Variants in SYNDIG1L observed in about 807,000 individuals in gnomAD.
SYNDIG1L encodes the protein synapse differentiation inducing 1 like.
A neutral mutation model predicts 20.1 loss-of-function variants in SYNDIG1L; 13 were observed. The ratio of observed to expected loss-of-function variants is 0.65; its 90% CI spans 0.42 to 1.03. The LOEUF (loss-of-function observed/expected upper bound fraction) is 1.03. Ranked by LOEUF, SYNDIG1L falls within the 50% of genes least tolerant of loss-of-function variation. The pLI is 0.00. For synonymous variants in SYNDIG1L, 128 were observed against 129.3 expected, an observed-to-expected ratio of 0.99 and a Z score of 0.07; for missense variants, 294 against 305.1, an observed-to-expected ratio of 0.96 and a Z score of 0.27.
At chr14:74,461,231 A>G in the SYNDIG1L span, among the ~76,000 whole-genome samples, 1 of 152,150 alleles carries the variant, frequency 6.6e-6, no homozygotes. Flanking sequence ...TACAGGCGTG[A>G]GCCACCGCGC....
chr14:74,423,912 T>C (rs2086244649), intron 1 of SYNDIG1L, among the ~76,000 whole-genome samples: 3 of 152,018 alleles, frequency 2.0e-5, no homozygotes, highest in South Asian at 4.1e-4. Flanking sequence ...GGGGTGGTGG[T>C]TCCTGGCCTC....
the SYNDIG1L span, among the ~76,000 whole-genome samples, chr14:74,443,997 T>C: frequency 3.7e-3 from 564 of 152,358 alleles, 4 homozygotes; most frequent in African/African-American, 0.013. Context: ...CTGTGTAATT[T>C]AGCAATTGTT....
rs183520207 is a variant in SYNDIG1L at position 74,412,059 on chromosome 14, G to C, written c.-57-2258C>G. 2.3e-3 allele frequency among the ~76,000 whole-genome samples: 346 copies of C among 152,352 alleles called. 2 individuals carry two copies. Among genetic ancestry groups the C allele is most frequent in the African/African-American group, 7.9e-3 (329 of 41,582 alleles). ...AGATAGGGCGCACAGGCTTGGGCAGGTCATGCAGACTTGGATCATAGTTCT... is the reference window on the plus strand; with the variant it reads ...AGATAGGGCGCACAGGCTTGGGCAGCTCATGCAGACTTGGATCATAGTTCT... On this transcript the variant is annotated intron_variant, in intron 1 of 3. Transcript: ENST00000331628.
chr14:74,445,881 A>G, the SYNDIG1L span, among the ~76,000 whole-genome samples: 1 of 152,202 alleles, frequency 6.6e-6, no homozygotes, highest in South Asian at 2.1e-4. Context: ...ACTATTTTAC[A>G]ATCATTGTAT....
chr14:74,450,228 A>G, the SYNDIG1L span, among the ~76,000 whole-genome samples: 1 of 152,148 alleles, frequency 6.6e-6, no homozygotes, highest in African/African-American at 2.4e-5. Flanking sequence ...GCAGTTAAAA[A>G]TCTTCCCACA....
At chr14:74,415,543 T>A (rs867048241) in intron 1 of SYNDIG1L, among the ~76,000 whole-genome samples, 1 of 152,044 alleles carries the variant, frequency 6.6e-6, no homozygotes, top group African/African-American at 2.4e-5. Context: ...AATAATAAAA[T>A]TTTTTTCTTT....
the SYNDIG1L span, among the ~76,000 whole-genome samples, chr14:74,456,741 T>C: frequency 1.3e-5 from 2 of 151,802 alleles, no homozygotes; most frequent in African/African-American, 2.4e-5. Context: ...AGGAGCCTGG[T>C]GTGTTGTCCA....
intron 1 of SYNDIG1L, among the ~76,000 whole-genome samples, chr14:74,424,081 G>A (rs1312095771): frequency 6.6e-6 from 1 of 152,078 alleles, no homozygotes; most frequent in African/African-American, 2.4e-5. Flanking sequence ...ATAAAATCCA[G>A]TTCATTACTA....
At chr14:74,460,647 C>T in the SYNDIG1L span, among the ~76,000 whole-genome samples, 1 of 152,144 alleles carries the variant, frequency 6.6e-6, no homozygotes, top group African/African-American at 2.4e-5. Context: ...GCCCATGTTC[C>T]ATTTCTTCTA....
chr14:74,423,683 GATAT>G (rs984417958), intron 1 of SYNDIG1L, among the ~76,000 whole-genome samples: 6 of 52,480 alleles, frequency 1.1e-4, no homozygotes, highest in African/African-American at 4.9e-4. Flanking sequence ...CATTTTGATT[GATAT>G]ATATATACAC....
upstream of SYNDIG1L, among the ~76,000 whole-genome samples, chr14:74,428,198 A>T (rs2086280316): frequency 6.6e-6 from 1 of 152,226 alleles, no homozygotes; most frequent in Non-Finnish European, 1.5e-5. Context: ...CTTTCTTATA[A>T]TTCAATAGCT....
the SYNDIG1L span, among the ~76,000 whole-genome samples, chr14:74,461,156 C>A: frequency 1.3e-5 from 2 of 151,954 alleles, no homozygotes; most frequent in South Asian, 4.2e-4. Context: ...CCATGTTGGC[C>A]AGGCTGGTCT....
rs115795007 is a variant in SYNDIG1L at position 74,411,847 on chromosome 14, C to T, written c.-57-2046G>A. 4.2e-3 allele frequency among the ~76,000 whole-genome samples: 632 copies of T among 152,276 alleles called. 9 individuals carry two copies. Among genetic ancestry groups the T allele is most frequent in the African/African-American group, 0.015 (603 of 41,556 alleles). ...TAAGCTGGGCTCCAAGAACATCTAA[C>T]AAATAATCATGGGGGTTACTCAGAG... On this transcript the variant is annotated intron_variant, in intron 1 of 3. Coordinates refer to ENST00000331628, the MANE Select transcript of SYNDIG1L (RefSeq NM_001105579.2).
intron 1 of SYNDIG1L, among the ~76,000 whole-genome samples, chr14:74,425,346 AT>A (rs1272138164): frequency 6.6e-6 from 1 of 152,180 alleles, no homozygotes; most frequent in Non-Finnish European, 1.5e-5. Context: ...AGGAAAAAAA[AT>A]TGAGGTATCT....
the SYNDIG1L span, among the ~76,000 whole-genome samples, chr14:74,460,782 G>T: frequency 6.6e-6 from 1 of 152,088 alleles, no homozygotes; most frequent in Admixed American, 6.6e-5. Context: ...GCTATAGCTG[G>T]GATCACAGGT....
chr14:74,474,457 G>C, the SYNDIG1L span: 2 of 152,258 alleles, frequency 1.3e-5, no homozygotes, highest in Admixed American at 6.5e-5. Flanking sequence ...TGGGGAGAGA[G>C]AGTTGCATAA....
Position 74,406,094 on chromosome 14 carries a change from C to G in SYNDIG1L, c.*1441G>C, listed in dbSNP as rs1202907858. The G allele has an allele frequency of 2.5e-6, 1 of 398,568 alleles. No individual in the cohort carries two copies. The highest frequency in any genetic ancestry group is 3.6e-5 in the East Asian group (1 of 28,076). 24.7% of individuals were successfully genotyped at this position (398,568 alleles called of 1,614,324 possible). A position where few individuals can be genotyped will look rare whatever the true frequency, so the allele number is the denominator to read the frequency against. ...GACCAGGTTCCCACATCATGCACAG[C>G]AGGGGCCTGTAGCTTGAGTCCAGAC... On this transcript the variant is annotated 3_prime_UTR_variant, in exon 4 of 4. Transcript: ENST00000331628.
chr14:74,407,827 C>A (rs955534721), intron 3 of SYNDIG1L, 22 bp downstream of exon 3: 3 of 1,603,852 alleles, frequency 1.9e-6, no homozygotes, highest in Non-Finnish European at 2.6e-6. Flanking sequence ...AGAGAAGGGA[C>A]CTGGGCCCCA....
chr14:74,410,367 C>T (rs1460592272), intron 1 of SYNDIG1L, among the ~76,000 whole-genome samples: 4 of 152,048 alleles, frequency 2.6e-5, no homozygotes, highest in Non-Finnish European at 5.9e-5. Context: ...GCAAAGGCCC[C>T]GTGGTTGGAT....
Sources: gnomAD v4.1 joint callset for allele counts (sites outside exome capture counted in the v4.1 genomes callset) on GRCh38, gnomAD v4.1.1 for gene constraint, MANE v1.5 for transcripts, NCBI Gene and HGNC (gene_info 2026-07-23, HGNC 2026-07-21) for gene names.